Variants in RASGRF2 observed in about 807,000 individuals in gnomAD.
RASGRF2 encodes ras-specific guanine nucleotide-releasing factor 2.
Under a neutral mutation model 151.0 loss-of-function variants are expected in RASGRF2, and 76 were observed. That is an observed-to-expected ratio of 0.50 (90% CI 0.42 to 0.61). The LOEUF is 0.61. RASGRF2 is among the 20% of genes least tolerant of loss of function. RASGRF2 has a pLI of 0.00. For synonymous variants in RASGRF2, 504 were observed against 566.5 expected, an observed-to-expected ratio of 0.89 and a Z score of 1.57; for missense variants, 1,148 against 1,564.6, an observed-to-expected ratio of 0.73 and a Z score of 4.49.
rs1350854191 is a variant in RASGRF2, at chr5:81,134,440, C to T, written c.2686+7277C>T. ...TGGGCCTGTTGTTTCATGGTGGAAG[C>T]CTGAGAGCTCAGCTGGTGCACTGGC... On this transcript the variant is annotated intron_variant, in intron 17 of 26. Transcript: ENST00000265080. Among the ~76,000 whole-genome samples, 3 of 151,968 alleles carry T rather than the reference C, an allele frequency of 2.0e-5. No homozygotes were observed. The East Asian group carries it at 5.8e-4, about 29-fold the overall frequency.
At chr5:81,054,635 G>T (rs370182879) in intron 2 of RASGRF2, among the ~76,000 whole-genome samples, 3 of 104,386 alleles carry the variant, frequency 2.9e-5, no homozygotes, top group Non-Finnish European at 5.8e-5. Context: ...ATATGAACTT[G>T]AAAGTAGTTT....
chr5:80,998,015 T>G (rs1442398241), intron 1 of RASGRF2: 1 of 151,382 alleles, frequency 6.6e-6, no homozygotes, highest in Non-Finnish European at 1.5e-5. Context: ...TTGAGCTCTC[T>G]CCATTGGCAA....
Position 80,993,394 on chromosome 5 carries a change from C to T in RASGRF2, c.288+32368C>T, listed in dbSNP as rs563392900. Reference sequence around the variant, plus strand: ...AGTAGAAAGTCAACAACTTTAATTTCAGGGCAAGTATATACAAAATAGAGT... The same window carrying T: ...AGTAGAAAGTCAACAACTTTAATTTTAGGGCAAGTATATACAAAATAGAGT... On this transcript the variant is annotated intron_variant, in intron 1 of 26. Transcript: ENST00000265080. 1.0e-3 allele frequency among the ~76,000 whole-genome samples: 155 copies of T among 152,318 alleles called. 1 individual carries two copies. The highest frequency in any genetic ancestry group is 3.4e-3 in the Middle Eastern group (1 of 294).
At chr5:81,056,339 A>G (rs1751210634) in intron 2 of RASGRF2, among the ~76,000 whole-genome samples, 1 of 152,064 alleles carries the variant, frequency 6.6e-6, no homozygotes, top group African/African-American at 2.4e-5. Flanking sequence ...CTTTGTTCTC[A>G]TTGGTTTCAA....
intron 15 of RASGRF2, among the ~76,000 whole-genome samples, chr5:81,119,631 A>G (rs1326316495): frequency 1.3e-5 from 2 of 152,200 alleles, no homozygotes; most frequent in Middle Eastern, 3.2e-3. Context: ...CAGTACAGAT[A>G]TTGGACAGAG....
In RASGRF2 at chr5:81,215,897, C is replaced by T. The variant is rs1175621943; in HGVS notation, c.3376C>T (p.Leu1126Phe). The T allele has an allele frequency of 6.4e-7, 1 of 1,550,748 alleles. No individual in the cohort carries two copies. The highest frequency in any genetic ancestry group is 8.6e-7 in the Non-Finnish European group (1 of 1,157,288). The change falls in exon 24 of 27, where the codon CTT becomes TTT. Residue 1126 changes from leucine (L) to phenylalanine (F), a missense_variant. Leu to Phe is a conservative substitution (Grantham distance 22, BLOSUM62 0). Transcript: ENST00000265080. Reference protein sequence around the residue: ...SKQTKALMDKLQKTVSSEGRF... With the variant: ...SKQTKALMDKFQKTVSSEGRF... ...TTAGACAAAAGCTCTAATGGACAAA[C>T]TTCAAAAGACTGTTTCCTCTGAAGG...
At chr5:81,002,329 A>G (rs968332634) in intron 1 of RASGRF2, among the ~76,000 whole-genome samples, 17 of 152,162 alleles carry the variant, frequency 1.1e-4, no homozygotes, top group Non-Finnish European at 5.9e-5. Context: ...TATTGGATTT[A>G]GTGCTTTGTT....
At chr5:81,034,782 C>T (rs1321139036) in intron 1 of RASGRF2, among the ~76,000 whole-genome samples, 1 of 121,292 alleles carries the variant, frequency 8.2e-6, no homozygotes, top group Non-Finnish European at 1.6e-5. Flanking sequence ...GGGAACATCA[C>T]ACTCTGGGGA....
chr5:81,057,138 T>G (rs1385829522), intron 2 of RASGRF2, among the ~76,000 whole-genome samples: 1 of 152,174 alleles, frequency 6.6e-6, no homozygotes, highest in Admixed American at 6.5e-5. Context: ...ACATTTAAGG[T>G]TAATATTGTT....
At chr5:81,075,161 A>T (rs1269270823) in intron 5 of RASGRF2, among the ~76,000 whole-genome samples, 1 of 152,252 alleles carries the variant, frequency 6.6e-6, no homozygotes, top group Non-Finnish European at 1.5e-5. Flanking sequence ...AGAGATGATT[A>T]TAATGGAGGC....
intron 17 of RASGRF2, among the ~76,000 whole-genome samples, chr5:81,139,255 T>A (rs1753826022): frequency 6.6e-6 from 1 of 152,156 alleles, no homozygotes; most frequent in African/African-American, 2.4e-5. Context: ...TTCTACAACT[T>A]TGCTAAATTC....
chr5:81,081,953 A>C (rs1254613348), intron 7 of RASGRF2, among the ~76,000 whole-genome samples: 1 of 152,220 alleles, frequency 6.6e-6, no homozygotes, highest in African/African-American at 2.4e-5. Flanking sequence ...CAGACTTTTA[A>C]AACAACTATC....
At chr5:81,123,370 C>A (rs530073741) in intron 15 of RASGRF2, among the ~76,000 whole-genome samples, 1 of 152,290 alleles carries the variant, frequency 6.6e-6, no homozygotes, top group Admixed American at 6.5e-5. Flanking sequence ...CCACCACATA[C>A]CCCCGTTTAC....
chr5:80,966,628 T>C (rs1010857752), intron 1 of RASGRF2, among the ~76,000 whole-genome samples: 4 of 152,180 alleles, frequency 2.6e-5, no homozygotes, highest in African/African-American at 9.7e-5. Context: ...GTTAAAAATG[T>C]AATTGTGTAT....
At chr5:81,102,551 C>T (rs951135331) in intron 12 of RASGRF2, among the ~76,000 whole-genome samples, 1 of 152,022 alleles carries the variant, frequency 6.6e-6, no homozygotes, top group African/African-American at 2.4e-5. Context: ...GAAAATTAGC[C>T]AGGCGTGGCG....
At chr5:81,094,758 A>G (rs1445601757) in intron 11 of RASGRF2, 98 bp from the exon 12 acceptor site, 4 of 1,315,274 alleles carry the variant, frequency 3.0e-6, no homozygotes, top group Non-Finnish European at 4.2e-6. Flanking sequence ...TCCCGATTTG[A>G]GTGCAAATGG....
At chr5:80,969,191 C>T (rs573677758) in intron 1 of RASGRF2, among the ~76,000 whole-genome samples, 113 of 144,206 alleles carry the variant, frequency 7.8e-4, no homozygotes, top group South Asian at 7.3e-3. Context: ...AGTGCAGTGG[C>T]GCCATCTCAG....
rs372227715 is a variant in RASGRF2, at chr5:81,113,881, G to C, written c.2431G>C (p.Val811Leu). Residue 811 changes from valine (V) to leucine (L), a missense_variant, in exon 15 of 27, where the codon GTG becomes CTG. Transcript: ENST00000265080. ...AGAAGAGAATGTCGATAACCCACGC[G>C]TGGATCTGTGTAACAAGCTAAAACG... ...TVEENVDNPR[V>L]DLCNKLKRSI... The C allele has an allele frequency of 7.4e-6, 12 of 1,614,172 alleles. No individual in the cohort carries two copies. The highest frequency in any genetic ancestry group is 1.7e-5 in the Admixed American group (1 of 60,030).
Position 81,123,699 on chromosome 5 carries a change from A to G in RASGRF2, c.2528A>G (p.Asp843Gly). 1 of 1,614,030 alleles carries G rather than the reference A, an allele frequency of 6.2e-7. No homozygotes were observed. Among genetic ancestry groups the G allele is most frequent in the Non-Finnish European group, 8.5e-7 (1 of 1,179,974 alleles). ...GGAGTGGAAAGCTCCCCTGCAGCGG[A>G]CACCACAGAACTTTCACCTTGCAGA... ...RAGVESSPAA[D>G]TTELSPCRSP... The change falls in exon 16 of 27, where the codon GAC becomes GGC. Residue 843 changes from aspartate to glycine, a missense_variant. By Grantham distance (94) the Asp-to-Gly change is moderately conservative. Coordinates refer to ENST00000265080, the MANE Select transcript of RASGRF2 (RefSeq NM_006909.3).
Sources: gnomAD v4.1 joint callset for allele counts (sites outside exome capture counted in the v4.1 genomes callset) on GRCh38, gnomAD v4.1.1 for gene constraint, MANE v1.5 for transcripts, NCBI Gene and HGNC (gene_info 2026-07-23, HGNC 2026-07-21) for gene names.